ST3GAL3: variants seen among roughly 807,000 people sequenced by gnomAD.
The protein encoded by ST3GAL3 is ST3 beta-galactoside alpha-2,3-sialyltransferase 3, also known as CMP-N-acetylneuraminate-beta-1,4-galactoside alpha-2,3-sialyltransferase.
Under a neutral mutation model 50.1 loss-of-function variants are expected in ST3GAL3, and 21 were observed. The ratio of observed to expected loss-of-function variants is 0.42; its 90% CI spans 0.30 to 0.60. The LOEUF (loss-of-function observed/expected upper bound fraction) is 0.60. Ranked by LOEUF, ST3GAL3 falls within the 20% of genes least tolerant of loss-of-function variation. ST3GAL3 has a pLI of 0.19. For synonymous variants in ST3GAL3, 183 were observed against 190.0 expected, an observed-to-expected ratio of 0.96 and a Z score of 0.30; for missense variants, 353 against 489.4, an observed-to-expected ratio of 0.72 and a Z score of 2.63.
intron 2 of ST3GAL3, among the ~76,000 whole-genome samples, chr1:43,769,364 CA>C (rs1401178885): frequency 6.6e-6 from 1 of 152,138 alleles, no homozygotes; most frequent in Non-Finnish European, 1.5e-5. Flanking sequence ...ATTCCCAAAC[CA>C]CTTTTTTTCT....
intron 9 of ST3GAL3, among the ~76,000 whole-genome samples, chr1:43,909,091 TC>T (rs1328427660): frequency 1.3e-5 from 2 of 152,200 alleles, no homozygotes; most frequent in African/African-American, 4.8e-5. Context: ...GTCTTGTTGA[TC>T]TCTGTAAGCC....
chr1:43,899,839 C>T lies in ST3GAL3; in HGVS notation c.744+112C>T, dbSNP rs1570973456. 10 of 1,143,012 alleles carry T rather than the reference C, an allele frequency of 8.7e-6. No individual in the cohort carries two copies. Among genetic ancestry groups the T allele is most frequent in the Admixed American group, 3.9e-5 (2 of 50,932 alleles). The allele number at this position is 1,143,012 out of a possible 1,614,324, so 70.8% of individuals were successfully genotyped here. The stretch of plus-strand genomic sequence containing the variant: ...AACGAGTAAGAACCTTCAAAGGAAA[C>T]ATTAATGACCCAAAGCCGAAATCAC... On this transcript the variant is annotated intron_variant, in intron 9 of 11. Coordinates refer to ENST00000347631, the MANE Select transcript of ST3GAL3 (RefSeq NM_006279.5). This position sits in a 1 kb window ranked among gnomAD's most constrained non-coding sequence, Gnocchi z 5.4.
intron 2 of ST3GAL3, among the ~76,000 whole-genome samples, chr1:43,775,543 A>C (rs1029481982): frequency 6.6e-6 from 1 of 152,134 alleles, no homozygotes; most frequent in Non-Finnish European, 1.5e-5. Context: ...GGAAATCTGA[A>C]TTTTTATGTG....
At chr1:43,917,671 A>ATAT (rs2082297504) in intron 9 of ST3GAL3, among the ~76,000 whole-genome samples, 1 of 22,296 alleles carries the variant, frequency 4.5e-5, no homozygotes, top group African/African-American at 6.3e-5. Flanking sequence ...AATATATATT[A>ATAT]TATATATATA....
chr1:43,824,786 C>G (rs776982220), intron 4 of ST3GAL3: 2 of 1,556,298 alleles, frequency 1.3e-6, no homozygotes, highest in Middle Eastern at 1.7e-4. Flanking sequence ...ATTGGAATCA[C>G]CTGGAGAGCC....
In ST3GAL3 at chr1:43,773,015, G is replaced by A. The variant is rs569533238; in HGVS notation, c.119-19087G>A. Among the ~76,000 whole-genome samples, 65 of 152,168 alleles carry A rather than the reference G, an allele frequency of 4.3e-4. 1 individual carries two copies. Among genetic ancestry groups the A allele is most frequent in the Non-Finnish European group, 7.9e-4 (54 of 68,038 alleles). On this transcript the variant is annotated intron_variant, in intron 2 of 11. Coordinates refer to ENST00000347631, the MANE Select transcript of ST3GAL3 (RefSeq NM_006279.5). Reference sequence around the variant, plus strand: ...GCCCGCCTTGGCCTCCCAAAGTGCTGGGATTCTAGGCGTGAGCCACCTCGC... The same window carrying A: ...GCCCGCCTTGGCCTCCCAAAGTGCTAGGATTCTAGGCGTGAGCCACCTCGC...
chr1:43,856,348 T>C (rs1558598347), intron 5 of ST3GAL3, among the ~76,000 whole-genome samples: 1 of 152,206 alleles, frequency 6.6e-6, no homozygotes, highest in Non-Finnish European at 1.5e-5. Flanking sequence ...AGTGTTGTTA[T>C]ACCCATTTTG....
intron 2 of ST3GAL3, among the ~76,000 whole-genome samples, chr1:43,746,009 C>G (rs1338312309): frequency 6.6e-6 from 1 of 152,220 alleles, no homozygotes; most frequent in Admixed American, 6.5e-5. Flanking sequence ...TAAATACACT[C>G]TATGATATTT....
At chr1:43,896,203 G>A (rs553889032) in intron 6 of ST3GAL3, among the ~76,000 whole-genome samples, 3 of 151,640 alleles carry the variant, frequency 2.0e-5, no homozygotes, top group Non-Finnish European at 4.4e-5. Flanking sequence ...CTGCATCCCT[G>A]CCCATCCCAC....
At chr1:43,747,045 C>A (rs1447475260) in intron 2 of ST3GAL3, among the ~76,000 whole-genome samples, 1 of 146,186 alleles carries the variant, frequency 6.8e-6, no homozygotes, top group East Asian at 2.1e-4. Flanking sequence ...GGATTACAGG[C>A]GTGAGCCACT....
At chr1:43,744,150 G>A (rs980673477) in intron 2 of ST3GAL3, among the ~76,000 whole-genome samples, 11 of 152,020 alleles carry the variant, frequency 7.2e-5, no homozygotes, top group African/African-American at 2.4e-4. Context: ...ACCAAAGACA[G>A]TTTTACAATT....
intron 9 of ST3GAL3, chr1:43,920,201 C>T (rs991451161): frequency 4.7e-6 from 3 of 637,944 alleles, no homozygotes; most frequent in East Asian, 2.8e-5. Flanking sequence ...CCACCACACG[C>T]TCTCTTCACC....
chr1:43,755,779 A>G lies in ST3GAL3; in HGVS notation c.118+19399A>G, dbSNP rs150326998. Among the ~76,000 whole-genome samples, 89 of 152,334 alleles carry G rather than the reference A, an allele frequency of 5.8e-4. No homozygotes were observed. In the East Asian group the frequency reaches 0.017, roughly 29 times the overall value. ...AAAGGTTTTTAAGGATACAAGAAGC[A>G]TGAACCATAAAATTAAAAATTGATA... On this transcript the variant is annotated intron_variant, in intron 2 of 11. Coordinates refer to ENST00000347631, the MANE Select transcript of ST3GAL3 (RefSeq NM_006279.5).
chr1:43,752,552 G>A (rs561316451), intron 2 of ST3GAL3, among the ~76,000 whole-genome samples: 2 of 152,286 alleles, frequency 1.3e-5, no homozygotes, highest in East Asian at 3.9e-4. Flanking sequence ...CCAGGCTGGA[G>A]TGCAGTGGCA....
At chr1:43,812,281 C>T (rs753849401) in intron 3 of ST3GAL3, among the ~76,000 whole-genome samples, 6 of 152,160 alleles carry the variant, frequency 3.9e-5, no homozygotes, top group Admixed American at 3.9e-4. Flanking sequence ...GCGGGGCCTG[C>T]GTTGCTGCCT....
intron 3 of ST3GAL3, among the ~76,000 whole-genome samples, chr1:43,813,369 G>GT (rs1216172353): frequency 2.6e-5 from 4 of 152,162 alleles, no homozygotes; most frequent in Non-Finnish European, 5.9e-5. Context: ...TTTGCAAATT[G>GT]TATTTTTCGT....
intron 2 of ST3GAL3, among the ~76,000 whole-genome samples, chr1:43,785,178 G>A (rs1222389670): frequency 6.6e-6 from 1 of 152,170 alleles, no homozygotes; most frequent in Admixed American, 6.5e-5. Flanking sequence ...AACAGGTGGC[G>A]ACGTGAACAT....
chr1:43,860,899 G>A (rs372635822), intron 5 of ST3GAL3, among the ~76,000 whole-genome samples: 34 of 152,342 alleles, frequency 2.2e-4, no homozygotes, highest in African/African-American at 7.9e-4. Flanking sequence ...CTTTTGAGCT[G>A]AGGCAAAAGT....
At chr1:43,848,075 A>G (rs1308335095) in intron 5 of ST3GAL3, among the ~76,000 whole-genome samples, 1 of 152,122 alleles carries the variant, frequency 6.6e-6, no homozygotes, top group Non-Finnish European at 1.5e-5. Flanking sequence ...ATACACTTCT[A>G]GGTTGACAGT....
Sources: allele counts gnomAD v4.1 joint callset (sites outside exome capture counted in the v4.1 genomes callset), GRCh38; gene constraint gnomAD v4.1.1; non-coding constraint Gnocchi (gnomAD v3.1); transcripts MANE v1.5; gene names NCBI Gene and HGNC (gene_info 2026-07-23, HGNC 2026-07-21).